ASB3: variants seen among roughly 807,000 people sequenced by gnomAD.
ASB3 encodes the protein ankyrin repeat and SOCS box containing 3.
ASB3 carries 41 observed loss-of-function variants against 54.5 expected under a neutral mutation model. That is an observed-to-expected ratio of 0.75 (90% CI 0.59 to 0.98). The LOEUF (loss-of-function observed/expected upper bound fraction) is 0.98, where lower values mean the gene tolerates loss of function less well. Among genes scored for constraint, ASB3 ranks in the 50% least tolerant of loss-of-function variants. The pLI is 0.00. For missense variants in ASB3, 733 were observed against 620.0 expected (o/e 1.18, Z -1.94); for synonymous variants, 266 against 221.2 (o/e 1.20, Z -1.80).
chr2:53,768,061 ACCCCTG>A, intron 1 of ASB3: 1 of 1,605,506 alleles, frequency 6.2e-7, no homozygotes, highest in Non-Finnish European at 8.5e-7. Context: ...CTGCCCCCTG[ACCCCTG>A]CTCCCCAACT....
At position 53,714,389 on chromosome 2, in the gene ASB3, T is replaced by G. The variant is rs781117148; in HGVS notation, c.975A>C (p.Gln325His). The G allele has an allele frequency of 1.9e-6, 3 of 1,614,128 alleles. No homozygotes were observed. Among genetic ancestry groups the G allele is most frequent in the African/African-American group, 1.3e-5 (1 of 75,062 alleles). The change falls in exon 7 of 10, where the codon CAA becomes CAC. Residue 325 changes from glutamine (Q) to histidine (H), a missense_variant. Transcript: ENST00000263634. ...GFSSPVCMAF[Q>H]KDCEFFGIVN... ...AACATAGCAAATATACATACTCCTT[T>G]TGGAAAGCCATGCACACAGGAGAAC...
chr2:53,729,471 T>G lies in ASB3; in HGVS notation c.455A>C (p.Gln152Pro). 1.9e-6 allele frequency: 3 copies of G among 1,613,846 alleles called. No individual in the cohort carries two copies. The highest frequency in any genetic ancestry group is 2.5e-6 in the Non-Finnish European group (3 of 1,179,784). The change falls in exon 4 of 10, where the codon CAG (glutamine) becomes CCG (proline). Residue 152 changes from glutamine (Q) to proline (P), a missense_variant. Physicochemically the swap from Gln to Pro is moderately conservative, Grantham distance 76. Transcript: ENST00000263634. ...TTCAGAGGTTACCTGAAAAGAAGCC[T>G]GGTGCAAGGAGTTCCATCCACACAT... Reference protein sequence around the residue: ...HSMCGWNSLHQASFQENAEII... With the variant: ...HSMCGWNSLHPASFQENAEII...
At chr2:53,726,972 G>A (rs1671035059) in intron 5 of ASB3, among the ~76,000 whole-genome samples, 1 of 152,074 alleles carries the variant, frequency 6.6e-6, no homozygotes, top group Non-Finnish European at 1.5e-5. Flanking sequence ...ACTGACCCAG[G>A]CTAAACACTA....
rs781336530 is a variant in ASB3 at position 53,728,864 on chromosome 2, CA to C, written c.469-18del. 2 of 1,560,502 alleles carry C rather than the reference CA, an allele frequency of 1.3e-6. No homozygotes were observed. Among genetic ancestry groups the C allele is most frequent in the East Asian group, 4.5e-5 (2 of 44,240 alleles). The stretch of plus-strand genomic sequence containing the variant: ...AGCATTTTCCTAAAGCACAGATTCA[CA>C]TTTTAAATAAGAAAAAAACAAAGAA... On this transcript the variant is annotated intron_variant, in intron 4 of 9. Transcript: ENST00000263634.
chr2:53,720,949 T>TCTA (rs1670668787), intron 5 of ASB3, among the ~76,000 whole-genome samples: 4 of 151,868 alleles, frequency 2.6e-5, no homozygotes, highest in Non-Finnish European at 4.4e-5. Flanking sequence ...AAACCCCATC[T>TCTA]CTACTAAAAA....
At chr2:53,695,623 T>C (rs1669141740) in intron 8 of ASB3, among the ~76,000 whole-genome samples, 1 of 151,938 alleles carries the variant, frequency 6.6e-6, no homozygotes, top group Non-Finnish European at 1.5e-5. Context: ...TTAGTTAATA[T>C]AACGGTGAGT....
At chr2:53,681,634 G>A (rs537009506) in intron 9 of ASB3, among the ~76,000 whole-genome samples, 1 of 152,206 alleles carries the variant, frequency 6.6e-6, no homozygotes, top group East Asian at 1.9e-4. Context: ...CCCAATGTAT[G>A]TTCTTGGCAC....
At chr2:53,727,471 A>C (rs1671065666) in intron 5 of ASB3, among the ~76,000 whole-genome samples, 1 of 152,134 alleles carries the variant, frequency 6.6e-6, no homozygotes, top group Admixed American at 6.5e-5. Context: ...TGTCTTAAAA[A>C]AAAAAGGTTT....
At chr2:53,758,185 A>G (rs990113687) in intron 2 of ASB3, among the ~76,000 whole-genome samples, 2 of 152,222 alleles carry the variant, frequency 1.3e-5, no homozygotes, top group African/African-American at 4.8e-5. Flanking sequence ...GTCAGTGTAA[A>G]CAAGGGCGTA....
chr2:53,678,761 C>G (rs1364866860), intron 9 of ASB3, among the ~76,000 whole-genome samples: 1 of 152,188 alleles, frequency 6.6e-6, no homozygotes, highest in Admixed American at 6.5e-5. Flanking sequence ...CTGCCTCCCC[C>G]TCTTCTCCTC....
At chr2:53,770,742 T>G (rs1673845301) in intron 1 of ASB3, among the ~76,000 whole-genome samples, 1 of 152,210 alleles carries the variant, frequency 6.6e-6, no homozygotes, top group African/African-American at 2.4e-5. Context: ...AACTGACCTG[T>G]GTTAAAACCA....
intron 9 of ASB3, among the ~76,000 whole-genome samples, chr2:53,672,752 T>C (rs572064269): frequency 5.9e-5 from 9 of 152,250 alleles, no homozygotes; most frequent in Admixed American, 2.0e-4. Context: ...AGTTACAGCA[T>C]GGATTTAAAG....
chr2:53,688,389 G>C (rs1668741381), intron 9 of ASB3, among the ~76,000 whole-genome samples: 1 of 152,188 alleles, frequency 6.6e-6, no homozygotes, highest in South Asian at 2.1e-4. Context: ...AGCAAGGAAA[G>C]GGAGAGCAAA....
Position 53,703,546 on chromosome 2 carries a change from C to G in ASB3, c.981-3018G>C, listed in dbSNP as rs144924870. Among the ~76,000 whole-genome samples the G allele has an allele frequency of 7.9e-3, 1,206 of 152,264 alleles. 16 individuals are homozygous for G. The highest frequency in any genetic ancestry group is 0.027 in the African/African-American group (1,133 of 41,540). On this transcript the variant is annotated intron_variant, in intron 7 of 9. Transcript: ENST00000263634. Reference sequence around the variant, plus strand: ...CTCATAAGTTTGAGGCTGCGGTGAGCAATGATTGCACTACTGCACTCCAGC... The same window carrying G: ...CTCATAAGTTTGAGGCTGCGGTGAGGAATGATTGCACTACTGCACTCCAGC...
At chr2:53,670,877 C>A (rs1339369265) in intron 9 of ASB3, among the ~76,000 whole-genome samples, 187 bp from the exon 10 acceptor site, 1 of 152,176 alleles carries the variant, frequency 6.6e-6, no homozygotes, top group African/African-American at 2.4e-5. Context: ...TCAACTGGCT[C>A]CTCTCCCTTC....
At chr2:53,730,676 T>C (rs1332687316) in intron 3 of ASB3, among the ~76,000 whole-genome samples, 3 of 152,230 alleles carry the variant, frequency 2.0e-5, no homozygotes, top group African/African-American at 7.2e-5. Flanking sequence ...TGTATACATG[T>C]TCCTTTTTCT....
chr2:53,755,302 T>C (rs993280489), intron 2 of ASB3, among the ~76,000 whole-genome samples: 1 of 152,196 alleles, frequency 6.6e-6, no homozygotes, highest in Non-Finnish European at 1.5e-5. Context: ...CCACACCCTA[T>C]GTTTACTGAC....
At chr2:53,742,257 G>A (rs1443883446) in intron 3 of ASB3, among the ~76,000 whole-genome samples, 1 of 152,086 alleles carries the variant, frequency 6.6e-6, no homozygotes, top group Non-Finnish European at 1.5e-5. Context: ...GAGTCTAAAG[G>A]AAAACTCCAT....
intron 7 of ASB3, among the ~76,000 whole-genome samples, chr2:53,709,836 C>G (rs1669990822): frequency 6.6e-6 from 1 of 152,130 alleles, no homozygotes; most frequent in Admixed American, 6.5e-5. Flanking sequence ...GCGGAGGTGA[C>G]AGCCATAATT....
Sources: gnomAD v4.1 joint callset for allele counts (sites outside exome capture counted in the v4.1 genomes callset) on GRCh38, gnomAD v4.1.1 for gene constraint, MANE v1.5 for transcripts, NCBI Gene and HGNC (gene_info 2026-07-23, HGNC 2026-07-21) for gene names.